EP300: variants seen among roughly 807,000 people sequenced by gnomAD.
EP300 encodes histone acetyltransferase p300.
In EP300, 31 loss-of-function variants were observed where a neutral mutation model predicts 264.0. That is an observed-to-expected ratio of 0.12 (90% CI 0.09 to 0.16). The LOEUF (loss-of-function observed/expected upper bound fraction) is 0.16, where lower values mean the gene tolerates loss of function less well. Among genes scored for constraint, EP300 ranks in the 10% least tolerant of loss-of-function variants. The pLI is 1.00. For missense variants in EP300, 2,766 were observed against 3,052.9 expected (o/e 0.91, Z 2.21); for synonymous variants, 1,340 against 1,045.4 (o/e 1.28, Z -5.44).
chr22:41,125,112 CTT>C (rs930135062), intron 2 of EP300, among the ~76,000 whole-genome samples: 47 of 80,368 alleles, frequency 5.8e-4, no homozygotes, highest in Admixed American at 1.5e-3. Flanking sequence ...CTTTTCTTTC[CTT>C]TTTTTTTTTT....
chr22:41,168,271 C>T (rs1688543996), intron 23 of EP300, 178 bp from the exon 24 acceptor site: 5 of 652,224 alleles, frequency 7.7e-6, no homozygotes, highest in Admixed American at 2.4e-5. Flanking sequence ...TAGCATGTTC[C>T]CTGCACTCAT....
At chr22:41,168,206 G>C in intron 23 of EP300, 1 of 520,030 alleles carries the variant, frequency 1.9e-6, no homozygotes, top group Admixed American at 3.2e-5. Context: ...AGAAATTATT[G>C]AGTACTGTGT....
Position 41,177,903 on chromosome 22 carries a change from C to A in EP300, c.6192C>A (p.Pro2064=), listed in dbSNP as rs370889984. ...GGACTCTCAGGTCTCCCAGCTCTCC[C>A]CTGCAGCAGCAACAGGTGCTTAGTA... The part of the protein sequence containing the change: ...LLRTLRSPSS[P]LQQQQVLSIL... The change falls in exon 31 of 31, where the codon CCC becomes CCA. Residue 2064 remains proline (P), a synonymous_variant. Transcript: ENST00000263253. The A allele has an allele frequency of 4.2e-5, 67 of 1,614,082 alleles. No individual in the cohort carries two copies. The African/African-American group carries it at 8.4e-4, about 20-fold the overall frequency.
At chr22:41,131,681 T>C in intron 6 of EP300, 48 bp downstream of exon 6, 2 of 1,613,306 alleles carry the variant, frequency 1.2e-6, no homozygotes, top group South Asian at 2.2e-5. Flanking sequence ...TGTCAGTAAA[T>C]GACATCTATA....
intron 30 of EP300, 35 bp downstream of exon 30, chr22:41,176,563 T>G: frequency 6.2e-7 from 1 of 1,612,668 alleles, no homozygotes; most frequent in South Asian, 1.1e-5. Flanking sequence ...GGAGGTGAGC[T>G]CCGCAGGGTT....
intron 1 of EP300, among the ~76,000 whole-genome samples, chr22:41,106,157 T>G (rs2145682527): frequency 6.6e-6 from 1 of 152,318 alleles, no homozygotes; most frequent in Admixed American, 6.5e-5. Flanking sequence ...TGTTGGAACC[T>G]GATAAATTTG....
chr22:41,117,785 A>G lies in EP300; in HGVS notation c.693A>G (p.Gly231=), dbSNP rs1203928264. 2 of 1,614,220 alleles carry G rather than the reference A, an allele frequency of 1.2e-6. No individual in the cohort carries two copies. The highest frequency in any genetic ancestry group is 1.7e-6 in the Non-Finnish European group (2 of 1,180,028). The stretch of plus-strand genomic sequence containing the variant: ...TTCAGCAGGGCTCTCCCCAGATGGG[A>G]GGACAAACAGGATTGAGAGGCCCCC... ...EPLQQGSPQM[G]GQTGLRGPQP... is the part of the protein sequence containing the mutation. Residue 231 remains glycine, a synonymous_variant, in exon 2 of 31, where the codon GGA becomes GGG. Transcript: ENST00000263253.
chr22:41,154,392 T>TTTTTTTTTTTTTTTTTTC, intron 16 of EP300, among the ~76,000 whole-genome samples: 1 of 139,936 alleles, frequency 7.1e-6, no homozygotes, highest in African/African-American at 2.6e-5. Flanking sequence ...TTTTTTTTTT[T>TTTTTTTTTTTTTTTTTTC]TTTTTTTGAG....
intron 23 of EP300, among the ~76,000 whole-genome samples, chr22:41,167,615 T>C (rs868053134): frequency 2.3e-5 from 2 of 86,098 alleles, no homozygotes; most frequent in East Asian, 5.6e-4. Flanking sequence ...TATATATATA[T>C]ATATATATAT....
chr22:41,152,925 T>C (rs1041962636), intron 16 of EP300, among the ~76,000 whole-genome samples: 9 of 152,042 alleles, frequency 5.9e-5, no homozygotes, highest in Admixed American at 1.3e-4. Context: ...GCCCGTCTAA[T>C]TTTTGTATTT....
chr22:41,146,314 G>A (rs2059010508), intron 10 of EP300, among the ~76,000 whole-genome samples: 1 of 152,102 alleles, frequency 6.6e-6, no homozygotes. Context: ...ACAGGTGCCT[G>A]CCACCACGCC....
chr22:41,141,338 A>G (rs554071386), intron 10 of EP300, 116 bp downstream of exon 10: 2 of 1,176,306 alleles, frequency 1.7e-6, no homozygotes, highest in South Asian at 1.4e-5. Context: ...TTAAATAACC[A>G]TTTGCCTTTG....
At chr22:41,157,812 C>G (rs1202075763) in intron 18 of EP300, among the ~76,000 whole-genome samples, 2 of 152,166 alleles carry the variant, frequency 1.3e-5, no homozygotes, top group Non-Finnish European at 2.9e-5. Context: ...TGAGCCACCT[C>G]TCCCAGCCAA....
At chr22:41,173,930 G>T in intron 29 of EP300, 146 bp downstream of exon 29, 2 of 915,838 alleles carry the variant, frequency 2.2e-6, no homozygotes, top group Admixed American at 2.2e-5. Context: ...TGACCAACAC[G>T]GTGAAACCTT....
chr22:41,160,834 C>A, intron 20 of EP300, 112 bp downstream of exon 20: 1 of 947,646 alleles, frequency 1.1e-6, no homozygotes, highest in Non-Finnish European at 1.7e-6. Context: ...TAGCCATTAG[C>A]CACATGTTGC....
chr22:41,134,787 C>T (rs989995405), intron 6 of EP300, among the ~76,000 whole-genome samples: 1 of 152,216 alleles, frequency 6.6e-6, no homozygotes, highest in African/African-American at 2.4e-5. Context: ...CTTCCTTTTA[C>T]CTCTTCTGTA....
At position 41,155,010 on chromosome 22, in the gene EP300, A is replaced by T; in HGVS notation, c.3158A>T (p.Glu1053Val). ...TTTTTTTAAGTTTTCAAACCAGAAG[A>T]ACTACGACAGGCACTGATGCCAACT... Reference protein sequence around the residue: ...QSKKKIFKPEELRQALMPTLE... With the variant: ...QSKKKIFKPEVLRQALMPTLE... The change falls in exon 17 of 31, where the codon GAA (glutamate) becomes GTA (valine). Residue 1053 changes from glutamate (E) to valine (V), a missense_variant. Glu to Val is a moderately radical substitution (Grantham distance 121). Transcript: ENST00000263253. The T allele has an allele frequency of 6.2e-7, 1 of 1,613,122 alleles. No homozygotes were observed. Among genetic ancestry groups the T allele is most frequent in the East Asian group, 2.2e-5 (1 of 44,878 alleles).
intron 10 of EP300, 144 bp from the exon 11 acceptor site, chr22:41,146,595 C>CTAG (rs1488951831): frequency 2.7e-6 from 2 of 734,816 alleles, no homozygotes; most frequent in African/African-American, 3.5e-5. Flanking sequence ...AAGCTTCTGT[C>CTAG]TAGTTCAGAG....
intron 2 of EP300, among the ~76,000 whole-genome samples, chr22:41,123,760 GTTT>G (rs2058865258): frequency 5.3e-5 from 2 of 37,912 alleles, no homozygotes; most frequent in Non-Finnish European, 2.0e-4. Context: ...TTCAAACTTT[GTTT>G]GGGATATAAA....
Sources: gnomAD v4.1 joint callset for allele counts (sites outside exome capture counted in the v4.1 genomes callset) on GRCh38, gnomAD v4.1.1 for gene constraint, MANE v1.5 for transcripts, NCBI Gene and HGNC (gene_info 2026-07-23, HGNC 2026-07-21) for gene names.